Variants in BMPER observed in about 807,000 individuals in gnomAD.
The protein encoded by BMPER is BMP binding endothelial regulator, also known as BMP-binding endothelial regulator protein.
A neutral mutation model predicts 87.3 loss-of-function variants in BMPER; 45 were observed. The ratio of observed to expected loss-of-function variants is 0.52; its 90% CI spans 0.41 to 0.66. The LOEUF (loss-of-function observed/expected upper bound fraction) is 0.66, where lower values mean the gene tolerates loss of function less well. Ranked by LOEUF, BMPER falls within the 30% of genes least tolerant of loss-of-function variation. BMPER has a pLI of 0.00. For missense variants in BMPER, 784 were observed against 867.5 expected, an observed-to-expected ratio of 0.90 and a Z score of 1.21; for synonymous variants, 326 against 316.2, an observed-to-expected ratio of 1.03 and a Z score of -0.33.
intron 13 of BMPER, among the ~76,000 whole-genome samples, chr7:34,113,522 A>G (rs2058678): frequency 0.76 from 114,349 of 150,506 alleles, 44,106 homozygotes; most frequent in East Asian, 0.95. Context: ...TATTTTGGCC[A>G]GCATATTTTT....
chr7:34,068,892 G>T (rs755078879), intron 11 of BMPER, among the ~76,000 whole-genome samples: 6 of 152,166 alleles, frequency 3.9e-5, no homozygotes, highest in Middle Eastern at 3.2e-3. Context: ...AACTGAATGA[G>T]CTGGGATGAG....
At chr7:34,039,515 A>G (rs1455965112) in intron 6 of BMPER, among the ~76,000 whole-genome samples, 1 of 151,886 alleles carries the variant, frequency 6.6e-6, no homozygotes, top group Admixed American at 6.6e-5. Flanking sequence ...AGTGCATAGA[A>G]CAGCCTCCAA....
At chr7:33,933,347 G>C (rs1784525133) in intron 2 of BMPER, among the ~76,000 whole-genome samples, 1 of 151,988 alleles carries the variant, frequency 6.6e-6, no homozygotes, top group African/African-American at 2.4e-5. Context: ...TTGACAGCAG[G>C]TAGACCACTG....
intron 13 of BMPER, among the ~76,000 whole-genome samples, chr7:34,141,243 A>G (rs1344005285): frequency 3.8e-5 from 5 of 130,016 alleles, no homozygotes; most frequent in Non-Finnish European, 6.8e-5. Flanking sequence ...ACTGTGTTTA[A>G]TGCCTGAATG....
intron 7 of BMPER, among the ~76,000 whole-genome samples, chr7:34,049,029 CTT>C (rs1205660172): frequency 3.3e-5 from 5 of 152,192 alleles, no homozygotes; most frequent in African/African-American, 1.2e-4. Flanking sequence ...TCTAATTAGA[CTT>C]TAGATGATTG....
intron 7 of BMPER, 101 bp downstream of exon 7, chr7:34,046,506 C>A: frequency 7.9e-7 from 1 of 1,262,786 alleles, no homozygotes; most frequent in Non-Finnish European, 1.2e-6. Context: ...TCAAGTTGTC[C>A]TATTTCGTGG....
At chr7:33,949,354 A>G (rs1784965417) in intron 3 of BMPER, among the ~76,000 whole-genome samples, 1 of 152,168 alleles carries the variant, frequency 6.6e-6, no homozygotes, top group South Asian at 2.1e-4. Context: ...AACCCCAGCG[A>G]CTTTGTCCTG....
chr7:34,079,176 C>T lies in BMPER; in HGVS notation c.1398C>T (p.Thr466=). 1.2e-6 allele frequency: 2 copies of T among 1,613,666 alleles called. No individual in the cohort carries two copies. The highest frequency in any genetic ancestry group is 8.5e-7 in the Non-Finnish European group (1 of 1,180,022). Residue 466 remains threonine (T), a synonymous_variant, in exon 12 of 15, where the codon ACC becomes ACT. Transcript: ENST00000649409. ...IDLDGYLLKV[T]TKAGLEISWD... ...TGGATGGCTACCTCTTGAAAGTGAC[C>T]ACCAAAGCAGGTGGGGCGTCTGTGG... is the stretch of plus-strand genomic sequence containing the variant.
At chr7:34,057,177 C>T (rs1378273923) in intron 9 of BMPER, among the ~76,000 whole-genome samples, 21 of 152,148 alleles carry the variant, frequency 1.4e-4, no homozygotes, top group Admixed American at 1.4e-3. Context: ...TAACAAAAAT[C>T]TGCTGCTTGG....
chr7:34,118,693 C>T (rs559753189), intron 13 of BMPER, among the ~76,000 whole-genome samples: 5 of 152,244 alleles, frequency 3.3e-5, no homozygotes, highest in Non-Finnish European at 7.4e-5. Flanking sequence ...AAATATTATT[C>T]TAGATTCCTC....
rs1165179246 is a variant in BMPER at position 34,046,394 on chromosome 7, C to A, written c.665C>A (p.Pro222His). Residue 222 changes from proline to histidine, a missense_variant, in exon 7 of 15, where the codon CCC becomes CAC. By Grantham distance (77) the Pro-to-His change is moderately conservative. Coordinates refer to ENST00000649409, the MANE Select transcript of BMPER (RefSeq NM_001365308.1). ...CACATACCCCCAGGACAGTGCTGCC[C>A]CAAATGTTTGGGTGAGTTACTATTT... ...LSHIPPGQCC[P>H]KCLGQRKVFD... The A allele has an allele frequency of 6.2e-7, 1 of 1,613,556 alleles. No homozygotes were observed. The highest frequency in any genetic ancestry group is 1.3e-5 in the African/African-American group (1 of 74,894).
chr7:34,152,067 G>A (rs189597397), intron 14 of BMPER, among the ~76,000 whole-genome samples: 11 of 152,282 alleles, frequency 7.2e-5, no homozygotes, highest in African/African-American at 2.2e-4. Context: ...ATTGAGGCCC[G>A]TTTGCTGGCA....
At chr7:34,146,058 C>T (rs1791009839) in intron 14 of BMPER, among the ~76,000 whole-genome samples, 2 of 152,100 alleles carry the variant, frequency 1.3e-5, no homozygotes, top group Non-Finnish European at 2.9e-5. Flanking sequence ...CACACATACA[C>T]ACACGCACAC....
chr7:34,017,223 C>A (rs749110040), intron 6 of BMPER, among the ~76,000 whole-genome samples: 14 of 151,996 alleles, frequency 9.2e-5, no homozygotes, highest in Non-Finnish European at 1.9e-4. Context: ...TTTTAAAGTG[C>A]TGCCTTGTCA....
chr7:34,067,906 A>G (rs980801736), intron 11 of BMPER, among the ~76,000 whole-genome samples: 2 of 152,158 alleles, frequency 1.3e-5, no homozygotes, highest in African/African-American at 4.8e-5. Context: ...GTTGAAGGAG[A>G]CTGAAGTTAT....
chr7:34,043,183 A>G (rs1022947986), intron 6 of BMPER, among the ~76,000 whole-genome samples: 8 of 152,224 alleles, frequency 5.3e-5, no homozygotes, highest in African/African-American at 1.9e-4. Context: ...AAGTAGGCTA[A>G]TGAGATAATA....
rs1407649561 is a variant in BMPER at position 34,156,228 on chromosome 7, C to T, written c.*2955C>T. On this transcript the variant is annotated 3_prime_UTR_variant, in exon 15 of 15. Transcript: ENST00000649409. ...GTTGACTAGCTTCTCCCAGCTTTCA[C>T]TGAAACACGGATAAACCATTTCAAC... is the stretch of plus-strand genomic sequence containing the variant. 6.6e-6 allele frequency among the ~76,000 whole-genome samples: 1 copy of T among 152,206 alleles called. No individual in the cohort carries two copies. The highest frequency in any genetic ancestry group is 1.5e-5 in the Non-Finnish European group (1 of 68,050).
At chr7:34,058,230 G>A (rs868349987) in intron 10 of BMPER, 67 bp downstream of exon 10, 28 of 1,424,398 alleles carry the variant, frequency 2.0e-5, no homozygotes, top group African/African-American at 4.2e-5. Context: ...TGGCACAGTC[G>A]CATGCCATCT....
intron 6 of BMPER, among the ~76,000 whole-genome samples, chr7:33,994,966 C>G (rs2127930375): frequency 6.6e-6 from 1 of 152,142 alleles, no homozygotes; most frequent in Non-Finnish European, 1.5e-5. Context: ...ACTCTAAATA[C>G]CAATTAATAG....
Sources: allele counts gnomAD v4.1 joint callset (sites outside exome capture counted in the v4.1 genomes callset), GRCh38; gene constraint gnomAD v4.1.1; transcripts MANE v1.5; gene names NCBI Gene and HGNC (gene_info 2026-07-23, HGNC 2026-07-21).